Variants in PDZK1IP1 observed in about 807,000 individuals in gnomAD.
PDZK1IP1 encodes PDZK1 interacting protein 1.
PDZK1IP1 carries 9 observed loss-of-function variants against 14.7 expected under a neutral mutation model. The observed-to-expected ratio is 0.61, with a 90% CI of 0.37 to 1.07. PDZK1IP1 has a LOEUF of 1.07. Among genes scored for constraint, PDZK1IP1 ranks in the 50% least tolerant of loss-of-function variants. PDZK1IP1 has a pLI of 0.01. For missense variants in PDZK1IP1, 152 were observed against 148.7 expected, an observed-to-expected ratio of 1.02 and a Z score of -0.11; for synonymous variants, 70 against 61.2, an observed-to-expected ratio of 1.14 and a Z score of -0.67.
chr1:47,189,809 G>A lies in PDZK1IP1; in HGVS notation c.67+57C>T, dbSNP rs1034651638. On this transcript the variant is annotated intron_variant, in intron 1 of 3. Coordinates refer to ENST00000294338, the MANE Select transcript of PDZK1IP1 (RefSeq NM_005764.4). ...ATCAAGGCCCTGGGGAGGGGAGCCA[G>A]AACACCACCTGTCCACCCCTGGGTC... is the stretch of plus-strand genomic sequence containing the variant. 5.1e-6 allele frequency: 7 copies of A among 1,381,324 alleles called. No homozygotes were observed. The African/African-American group carries it at 1.0e-4, about 20-fold the overall frequency. The allele number at this position is 1,381,324 out of a possible 1,614,324, so 85.6% of individuals were successfully genotyped here. A position where few individuals can be genotyped will look rare whatever the true frequency, so the allele number is the denominator to read the frequency against.
intron 2 of PDZK1IP1, 98 bp from the exon 3 acceptor site, chr1:47,185,195 C>A: frequency 1.1e-6 from 1 of 893,490 alleles, no homozygotes; most frequent in Non-Finnish European, 1.9e-6. Context: ...CGAAGGCTAG[C>A]AACTGCCCTT....
At position 47,184,142 on chromosome 1, in the gene PDZK1IP1, A is replaced by G. The variant is rs572161795; in HGVS notation, c.273-99T>C. 6.6e-6 allele frequency: 6 copies of G among 914,882 alleles called. No homozygotes were observed. In the African/African-American group the frequency reaches 9.8e-5, roughly 15 times the overall value. 56.7% of individuals were successfully genotyped at this position (914,882 alleles called of 1,614,324 possible). A position where few individuals can be genotyped will look rare whatever the true frequency, so the allele number is the denominator to read the frequency against. ...CACTTGTGACAGTAATAGCTTCCAG[A>G]ATAAACACTTGACTCCCAGAAGGGG... On this transcript the variant is annotated intron_variant, in intron 3 of 3. Coordinates refer to ENST00000294338, the MANE Select transcript of PDZK1IP1 (RefSeq NM_005764.4).
intron 2 of PDZK1IP1, 34 bp downstream of exon 2, chr1:47,187,285 C>G (rs1386665511): frequency 1.0e-5 from 15 of 1,500,740 alleles, no homozygotes; most frequent in East Asian, 2.3e-5. Flanking sequence ...CTGGGCCCAC[C>G]CTGCCTGCTC....
intron 3 of PDZK1IP1, among the ~76,000 whole-genome samples, 177 bp downstream of exon 3, chr1:47,184,825 C>T (rs951022428): frequency 5.9e-5 from 9 of 151,314 alleles, no homozygotes; most frequent in African/African-American, 2.2e-4. Context: ...TCGCCCCACA[C>T]AGGGGCTGCA....
chr1:47,189,273 G>T (rs1645338801), intron 1 of PDZK1IP1, among the ~76,000 whole-genome samples: 1 of 152,128 alleles, frequency 6.6e-6, no homozygotes, highest in Admixed American at 6.5e-5. Context: ...CCAGACCTTG[G>T]GTTAGTTACT....
rs929429552 is a variant in PDZK1IP1, at chr1:47,185,255, C to A, written c.177-158G>T. ...TGTCAGCCGCGGCTACTGGCCCCAC[C>A]CATGGGGTCTCTCACTTTCTCCCCA... On this transcript the variant is annotated intron_variant, in intron 2 of 3. Transcript: ENST00000294338. 23 of 622,492 alleles carry A rather than the reference C, an allele frequency of 3.7e-5. No individual in the cohort carries two copies. In the Admixed American group the frequency reaches 4.6e-4, roughly 13 times the overall value. 38.6% of individuals were successfully genotyped at this position (622,492 alleles called of 1,614,324 possible). A position where few individuals can be genotyped will look rare whatever the true frequency, so the allele number is the denominator to read the frequency against.
At chr1:47,184,480 A>AGTCCATCCTCC (rs1645305242) in intron 3 of PDZK1IP1, among the ~76,000 whole-genome samples, 2 of 108,042 alleles carry the variant, frequency 1.9e-5, no homozygotes, top group Non-Finnish European at 1.9e-5. Flanking sequence ...TCCCCCACTG[A>AGTCCATCCTCC]ACCCATCCCC....
In PDZK1IP1 at chr1:47,189,888, C is replaced by T; in HGVS notation, c.45G>A (p.Val15=). 6.3e-7 allele frequency: 1 copy of T among 1,596,596 alleles called. No homozygotes were observed. Among genetic ancestry groups the T allele is most frequent in the Non-Finnish European group, 8.5e-7 (1 of 1,178,494 alleles). Residue 15 remains valine, a synonymous_variant, in exon 1 of 4, where the codon GTG becomes GTA. Transcript: ENST00000294338. ...TACCTTGCTGACAGCTGGCAGGTGG[C>T]ACTGCCGTGAGCAGGCCCAGAATGA... The part of the protein sequence containing the change: ...SLLILGLLTA[V]PPASCQQGLG...
At chr1:47,189,663 C>G (rs550252620) in intron 1 of PDZK1IP1, among the ~76,000 whole-genome samples, 1 of 152,336 alleles carries the variant, frequency 6.6e-6, no homozygotes, top group African/African-American at 2.4e-5. Context: ...ATCCTAGAAC[C>G]AACTGCTGCC....
At position 47,187,339 on chromosome 1, in the gene PDZK1IP1, G is replaced by T. The variant is rs760797102; in HGVS notation, c.156C>A (p.His52Gln). 1.2e-6 allele frequency: 2 copies of T among 1,612,670 alleles called. No homozygotes were observed. Among genetic ancestry groups the T allele is most frequent in the South Asian group, 2.2e-5 (2 of 91,076 alleles). Residue 52 changes from histidine (H) to glutamine (Q), a missense_variant, in exon 2 of 4, where the codon CAC becomes CAA. His to Gln is a conservative substitution (Grantham distance 24). Coordinates refer to ENST00000294338, the MANE Select transcript of PDZK1IP1 (RefSeq NM_005764.4). ...VLVAIAFAVNHFWCQEEPEPA... is the reference protein window; with the variant it reads ...VLVAIAFAVNQFWCQEEPEPA... ...CTCACGGCTCCTCCTGGCACCAGAA[G>T]TGGTTGACTGCAAAGGCGATTGCAA...
rs771036728 is a variant in PDZK1IP1 at position 47,187,413 on chromosome 1, G to A, written c.82C>T (p.Gln28Ter). The A allele has an allele frequency of 3.1e-6, 5 of 1,612,688 alleles. No homozygotes were observed. In the South Asian group the frequency reaches 5.5e-5, roughly 18 times the overall value. Residue 28 changes from glutamine (Q) to a stop codon, truncating the protein, a stop_gained, in exon 2 of 4, where the codon CAG becomes TAG. Transcript: ENST00000294338. LOFTEE classifies it high-confidence loss of function. ...GCGATAAGGCCCTGCATCCAGGGCT[G>A]AAGGTTCCCCAGGCCTAACAAAGGG... ...ASCQQGLGNL[Q>*]PWMQGLIAVA...
intron 1 of PDZK1IP1, 73 bp from the exon 2 acceptor site, chr1:47,187,500 A>G: frequency 8.3e-7 from 1 of 1,202,478 alleles, no homozygotes; most frequent in Non-Finnish European, 1.2e-6. Flanking sequence ...GAGGGGCCTC[A>G]CTCTTCAAGG....
chr1:47,189,786 C>T, intron 1 of PDZK1IP1, 80 bp downstream of exon 1: 1 of 1,081,136 alleles, frequency 9.2e-7, no homozygotes, highest in Non-Finnish European at 1.3e-6. Context: ...CTGTAAGTAT[C>T]AAGGCCCTGG....
In PDZK1IP1 at chr1:47,185,013, C is replaced by T. The variant is rs572202205; in HGVS notation, c.261G>A (p.Ala87=). 5.4e-5 allele frequency: 87 copies of T among 1,612,924 alleles called. No individual in the cohort carries two copies. Among genetic ancestry groups the T allele is most frequent in the Non-Finnish European group, 6.6e-5 (78 of 1,179,508 alleles). The change falls in exon 3 of 4, where the codon GCG becomes GCA. Residue 87 remains alanine, a synonymous_variant. Transcript: ENST00000294338. Reference sequence around the variant, plus strand: ...GCCCTGCACCTCACCTGAAACTGGCCGCCATCGAAGAGTACCTTCCATCTG... The same window carrying T: ...GCCCTGCACCTCACCTGAAACTGGCTGCCATCGAAGAGTACCTTCCATCTG... ...VGTDGRYSSM[A]ASFRSSEHEN... is the part of the protein sequence containing the mutation.
intron 1 of PDZK1IP1, 103 bp downstream of exon 1, chr1:47,189,763 C>A: frequency 2.5e-6 from 2 of 799,872 alleles, no homozygotes; most frequent in South Asian, 1.9e-5. Context: ...GCAGTCCCTG[C>A]TCCCCCTCCA....
At chr1:47,186,635 C>T (rs940875903) in intron 2 of PDZK1IP1, among the ~76,000 whole-genome samples, 1 of 152,278 alleles carries the variant, frequency 6.6e-6, no homozygotes, top group Admixed American at 6.5e-5. Flanking sequence ...CTGCCCTTCA[C>T]CTGTGTGTGT....
At chr1:47,184,866 A>G (rs1426102852) in intron 3 of PDZK1IP1, 136 bp downstream of exon 3, 5 of 689,638 alleles carry the variant, frequency 7.3e-6, no homozygotes, top group Non-Finnish European at 1.0e-5. Flanking sequence ...AATCCTCACA[A>G]AGCCCCCATT....
intron 2 of PDZK1IP1, among the ~76,000 whole-genome samples, chr1:47,185,704 T>C (rs1349524900): frequency 6.6e-6 from 1 of 152,142 alleles, no homozygotes; most frequent in East Asian, 1.9e-4. Context: ...TCCTCCTGTG[T>C]TCTGGGCCTC....
intron 2 of PDZK1IP1, 143 bp from the exon 3 acceptor site, chr1:47,185,240 G>A (rs769641898): frequency 1.4e-5 from 9 of 661,146 alleles, no homozygotes; most frequent in African/African-American, 1.8e-5. Flanking sequence ...TGTCAGCCGC[G>A]GCTACTGGCC....
Sources: gnomAD v4.1 joint callset for allele counts (sites outside exome capture counted in the v4.1 genomes callset) on GRCh38, gnomAD v4.1.1 for gene constraint, MANE v1.5 for transcripts, NCBI Gene and HGNC (gene_info 2026-07-23, HGNC 2026-07-21) for gene names.